BANK1: variants seen among roughly 807,000 people sequenced by gnomAD.
BANK1 encodes the protein B cell scaffold protein with ankyrin repeats 1.
In BANK1, 95 loss-of-function variants were observed where a neutral mutation model predicts 94.5. That is an observed-to-expected ratio of 1.00 (90% CI 0.85 to 1.19). The LOEUF (loss-of-function observed/expected upper bound fraction) is 1.19. Ranked by LOEUF, BANK1 falls within the 50% of genes most tolerant of loss-of-function variation. The pLI is 0.00. For synonymous variants in BANK1, 334 were observed against 308.4 expected (o/e 1.08, Z -0.87); for missense variants, 987 against 932.2 (o/e 1.06, Z -0.77).
At chr4:101,950,072 C>T (rs939092051) in intron 7 of BANK1, among the ~76,000 whole-genome samples, 9 of 149,706 alleles carry the variant, frequency 6.0e-5, no homozygotes, top group Non-Finnish European at 8.9e-5. Flanking sequence ...CGCGTGCGCG[C>T]GCATGTGCCT....
At chr4:101,973,516 A>G (rs2148924105) in intron 7 of BANK1, among the ~76,000 whole-genome samples, 1 of 152,212 alleles carries the variant, frequency 6.6e-6, no homozygotes. Flanking sequence ...CTTAGTCACT[A>G]AACTTTCCTG....
chr4:101,991,659 C>G (rs972751070), intron 7 of BANK1, among the ~76,000 whole-genome samples: 2 of 152,034 alleles, frequency 1.3e-5, no homozygotes, highest in African/African-American at 2.4e-5. Context: ...GCCATAAGGC[C>G]CTGTTAGCCT....
intron 10 of BANK1, among the ~76,000 whole-genome samples, chr4:102,042,665 G>A (rs1727739535): frequency 6.6e-6 from 1 of 152,006 alleles, no homozygotes; most frequent in South Asian, 2.1e-4. Flanking sequence ...CTGTCGGGAT[G>A]TTTCTGCCAA....
At chr4:101,874,865 T>C (rs1728429858) in intron 5 of BANK1, among the ~76,000 whole-genome samples, 1 of 152,198 alleles carries the variant, frequency 6.6e-6, no homozygotes, top group African/African-American at 2.4e-5. Flanking sequence ...GGGCAACTAA[T>C]ATTTGTTGCT....
At chr4:101,804,852 C>G (rs1725499713) in intron 1 of BANK1, among the ~76,000 whole-genome samples, 1 of 152,124 alleles carries the variant, frequency 6.6e-6, no homozygotes, top group Non-Finnish European at 1.5e-5. Context: ...TTTGAGGAAT[C>G]AAAGTTATAT....
intron 7 of BANK1, among the ~76,000 whole-genome samples, chr4:102,008,468 A>G (rs912594367): frequency 1.3e-5 from 2 of 152,262 alleles, no homozygotes; most frequent in African/African-American, 2.4e-5. Flanking sequence ...TATCTTAGAA[A>G]GGAGTTGTAA....
At chr4:101,979,416 T>A (rs1422976379) in intron 7 of BANK1, among the ~76,000 whole-genome samples, 1 of 151,854 alleles carries the variant, frequency 6.6e-6, no homozygotes, top group Admixed American at 6.6e-5. Context: ...GTAGAAAAAC[T>A]CCCTGTTTCT....
At chr4:101,833,123 G>A (rs993803224) in intron 2 of BANK1, among the ~76,000 whole-genome samples, 5 of 152,018 alleles carry the variant, frequency 3.3e-5, no homozygotes, top group Non-Finnish European at 7.4e-5. Context: ...GGGATTACAG[G>A]TGTGTGCCAC....
At chr4:101,976,179 CT>C (rs959672884) in intron 7 of BANK1, among the ~76,000 whole-genome samples, 2 of 152,126 alleles carry the variant, frequency 1.3e-5, no homozygotes, top group Non-Finnish European at 2.9e-5. Flanking sequence ...AGATATTGCT[CT>C]TTGTTGCCTC....
chr4:101,940,462 C>T (rs533209950), intron 7 of BANK1, among the ~76,000 whole-genome samples: 8 of 151,818 alleles, frequency 5.3e-5, no homozygotes, highest in Non-Finnish European at 1.0e-4. Context: ...AACTAAATCA[C>T]ACATTTTGCT....
At chr4:101,985,457 G>GT (rs1324605561) in intron 7 of BANK1, among the ~76,000 whole-genome samples, 4 of 151,776 alleles carry the variant, frequency 2.6e-5, no homozygotes, top group Admixed American at 6.6e-5. Context: ...ACTAAATCTG[G>GT]TTTTTTTTAA....
In BANK1 at chr4:102,051,815, G is replaced by A. The variant is rs189374758; in HGVS notation, c.1969+7908G>A. ...GGGGTAGGAGGGTAATGCTACACTT[G>A]GCTGGTCCTGGGACTCTAAAGTAAA... On this transcript the variant is annotated intron_variant, in intron 11 of 16. Transcript: ENST00000322953. Among the ~76,000 whole-genome samples, 157 of 152,248 alleles carry A rather than the reference G, an allele frequency of 1.0e-3. 1 individual carries two copies. The highest frequency in any genetic ancestry group is 3.3e-3 in the African/African-American group (139 of 41,562).
intron 8 of BANK1, 86 bp from the exon 9 acceptor site, chr4:102,025,112 GTAC>G (rs1727038856): frequency 1.3e-5 from 18 of 1,371,892 alleles, no homozygotes; most frequent in Non-Finnish European, 1.8e-5. Flanking sequence ...TTTATTAGCA[GTAC>G]TACTATTTCT....
At chr4:101,896,425 A>T (rs1056958232) in intron 6 of BANK1, among the ~76,000 whole-genome samples, 3 of 151,972 alleles carry the variant, frequency 2.0e-5, no homozygotes, top group Non-Finnish European at 4.4e-5. Flanking sequence ...GCTTCAAGAC[A>T]GTAATAAGAA....
intron 6 of BANK1, among the ~76,000 whole-genome samples, chr4:101,899,996 C>T (rs1203312411): frequency 6.6e-6 from 1 of 152,184 alleles, no homozygotes; most frequent in Admixed American, 6.5e-5. Context: ...CCTTTATAAT[C>T]CCCTCTCAGC....
intron 2 of BANK1, among the ~76,000 whole-genome samples, chr4:101,833,075 G>A (rs1229944304): frequency 1.3e-5 from 2 of 152,126 alleles, no homozygotes; most frequent in South Asian, 2.1e-4. Context: ...CACCTCCCAG[G>A]TTCAAGCAAT....
At chr4:102,015,275 A>G (rs943426052) in intron 7 of BANK1, among the ~76,000 whole-genome samples, 5 of 151,908 alleles carry the variant, frequency 3.3e-5, no homozygotes, top group South Asian at 4.1e-4. Flanking sequence ...TTTTTTTGGT[A>G]TCTTTTTGAC....
chr4:101,884,684 A>G (rs1467454601), intron 5 of BANK1, among the ~76,000 whole-genome samples: 2 of 152,210 alleles, frequency 1.3e-5, no homozygotes, highest in Non-Finnish European at 2.9e-5. Context: ...ATCTTCTTAC[A>G]TACTTACTCT....
chr4:101,940,251 A>G (rs1240417853), intron 7 of BANK1, among the ~76,000 whole-genome samples: 2 of 62,264 alleles, frequency 3.2e-5, no homozygotes, highest in African/African-American at 7.0e-5. Context: ...TCTAAGCAGG[A>G]AAAAAAAAAC....
Sources: gnomAD v4.1 joint callset for allele counts (sites outside exome capture counted in the v4.1 genomes callset) on GRCh38, gnomAD v4.1.1 for gene constraint, MANE v1.5 for transcripts, NCBI Gene and HGNC (gene_info 2026-07-23, HGNC 2026-07-21) for gene names.